Variants in GNAL observed in about 807,000 individuals in gnomAD.
GNAL encodes the protein G protein subunit alpha L, also known as guanine nucleotide-binding protein G(olf) subunit alpha.
Under a neutral mutation model 55.1 loss-of-function variants are expected in GNAL, and 18 were observed. The ratio of observed to expected loss-of-function variants is 0.33; its 90% CI spans 0.23 to 0.48. The LOEUF (loss-of-function observed/expected upper bound fraction) is 0.48. Ranked by LOEUF, GNAL falls within the 20% of genes least tolerant of loss-of-function variation. GNAL has a pLI of 0.99. For synonymous variants in GNAL, 253 were observed against 237.0 expected, an observed-to-expected ratio of 1.07 and a Z score of -0.62; for missense variants, 412 against 614.1, an observed-to-expected ratio of 0.67 and a Z score of 3.48.
chr18:11,851,990 C>T, intron 5 of GNAL: 1 of 1,613,660 alleles, frequency 6.2e-7, no homozygotes, highest in Non-Finnish European at 8.5e-7. Context: ...GCAGATGAGG[C>T]GGGCCTCGAC....
rs9956333 is a variant in GNAL at position 11,797,649 on chromosome 18, G to A, written c.625-27269G>A. ...GTCCCAGCTACTTGGGTGGTGGGGG[G>A]GCTGGTTTGCTGAGGTGGGAAGATT... On this transcript the variant is annotated intron_variant, in intron 4 of 11. Coordinates refer to ENST00000334049, the MANE Select transcript of GNAL (RefSeq NM_182978.4). Among the ~76,000 whole-genome samples the A allele has an allele frequency of 1.9e-4, 29 of 152,092 alleles. 1 individual carries two copies. The South Asian group carries it at 5.6e-3, about 29-fold the overall frequency.
chr18:11,822,805 T>A (rs2035135573), intron 4 of GNAL, among the ~76,000 whole-genome samples: 1 of 46,446 alleles, frequency 2.2e-5, no homozygotes, highest in South Asian at 9.9e-4. Flanking sequence ...CAATATTGTT[T>A]TTCTTTTTTT....
At chr18:11,725,246 G>A (rs753281062) in intron 1 of GNAL, among the ~76,000 whole-genome samples, 8 of 152,174 alleles carry the variant, frequency 5.3e-5, no homozygotes, top group Non-Finnish European at 7.3e-5. Context: ...AATGAGATTA[G>A]GATGGACCCT....
Position 11,868,783 on chromosome 18 carries a change from G to C in GNAL, c.1031+120G>C, listed in dbSNP as rs990281156. ...ATCTCAACACTGGGAGGCCGAGGCAGGTGTGTCACTTGAGCTCAGCAGTTG... is the reference window on the plus strand; with the variant it reads ...ATCTCAACACTGGGAGGCCGAGGCACGTGTGTCACTTGAGCTCAGCAGTTG... On this transcript the variant is annotated intron_variant, in intron 9 of 11. Coordinates refer to ENST00000334049, the MANE Select transcript of GNAL (RefSeq NM_182978.4). This position sits in a 1 kb window ranked among gnomAD's most constrained non-coding sequence, Gnocchi z 4.0. 36 of 755,370 alleles carry C rather than the reference G, an allele frequency of 4.8e-5. No homozygotes were observed. The highest frequency in any genetic ancestry group is 5.5e-5 in the Non-Finnish European group (26 of 475,810). 46.8% of individuals were successfully genotyped at this position (755,370 alleles called of 1,614,324 possible).
chr18:11,874,594 C>CA lies in GNAL; in HGVS notation c.1163-2020dup, dbSNP rs550351415. 6.2e-3 allele frequency among the ~76,000 whole-genome samples: 161 copies of CA among 25,994 alleles called. 1 individual carries two copies. The highest frequency in any genetic ancestry group is 0.029 in the African/African-American group (147 of 5,080). 17.1% of individuals were successfully genotyped at this position (25,994 alleles called of 152,430 possible). A position where few individuals can be genotyped will look rare whatever the true frequency, so the allele number is the denominator to read the frequency against. ...TGGGCGACAGAACAAGGCTCCGTCTCAAAAAAACAAAAAAAAAGCACTCCA... is the reference window on the plus strand; with the variant it reads ...TGGGCGACAGAACAAGGCTCCGTCTCAAAAAAAACAAAAAAAAAGCACTCCA... On this transcript the variant is annotated intron_variant, in intron 10 of 11. Transcript: ENST00000334049.
chr18:11,884,642 G>A lies in GNAL; in HGVS notation c.*3507G>A, dbSNP rs768963594. 5 of 1,611,684 alleles carry A rather than the reference G, an allele frequency of 3.1e-6. No homozygotes were observed. The South Asian group carries it at 5.5e-5, about 18-fold the overall frequency. On this transcript the variant is annotated 3_prime_UTR_variant, in exon 12 of 12. Coordinates refer to ENST00000334049, the MANE Select transcript of GNAL (RefSeq NM_182978.4). ...GTGATGCTACCCTGGAAAGGAGAAGGGAAAGTTATGCTGAGAGCACCAGGC... is the reference window on the plus strand; with the variant it reads ...GTGATGCTACCCTGGAAAGGAGAAGAGAAAGTTATGCTGAGAGCACCAGGC...
At chr18:11,846,594 G>A (rs2143760379) in intron 5 of GNAL, among the ~76,000 whole-genome samples, 1 of 151,886 alleles carries the variant, frequency 6.6e-6, no homozygotes, top group African/African-American at 2.4e-5. Context: ...AGCATCCCAA[G>A]TAGCTGGGAC....
intron 1 of GNAL, among the ~76,000 whole-genome samples, chr18:11,704,802 T>G (rs2031665054): frequency 6.6e-6 from 1 of 152,056 alleles, no homozygotes; most frequent in Non-Finnish European, 1.5e-5. Context: ...ATTTAACAGC[T>G]TTTTTTGAGA....
At chr18:11,694,935 A>T (rs2031362466) in intron 1 of GNAL, among the ~76,000 whole-genome samples, 1 of 152,030 alleles carries the variant, frequency 6.6e-6, no homozygotes, top group African/African-American at 2.4e-5. Flanking sequence ...AGAGGGAGAG[A>T]TCTCCGGTGT....
chr18:11,809,113 C>G (rs1167897582), intron 4 of GNAL, among the ~76,000 whole-genome samples: 2 of 152,140 alleles, frequency 1.3e-5, no homozygotes, highest in East Asian at 1.9e-4. Context: ...CAAAAATTAG[C>G]TAGGTGTTGT....
chr18:11,879,469 A>G (rs1409436315), intron 11 of GNAL, among the ~76,000 whole-genome samples: 1 of 152,124 alleles, frequency 6.6e-6, no homozygotes, highest in Non-Finnish European at 1.5e-5. Flanking sequence ...ACAGCTCTGG[A>G]GGCTGGAAGT....
Position 11,689,749 on chromosome 18 carries a change from A to T in GNAL, c.186A>T (p.Ala62=), listed in dbSNP as rs993990807. Residue 62 remains alanine (A), a synonymous_variant, in exon 1 of 12, where the codon GCA becomes GCT. Coordinates refer to ENST00000334049, the MANE Select transcript of GNAL (RefSeq NM_182978.4). The part of the protein sequence containing the change: ...LLPRGGEGSP[A]CARPKADKPK... ...CTCGGGGCGGCGAAGGGAGCCCGGC[A>T]TGCGCTCGGCCCAAAGCAGACAAGC... is the stretch of plus-strand genomic sequence containing the variant. The T allele has an allele frequency of 6.6e-7, 1 of 1,509,090 alleles. No individual in the cohort carries two copies. The highest frequency in any genetic ancestry group is 1.4e-5 in the African/African-American group (1 of 69,144). The allele number at this position is 1,509,090 out of a possible 1,614,324, so 93.5% of individuals were successfully genotyped here.
intron 5 of GNAL, among the ~76,000 whole-genome samples, chr18:11,832,673 C>T (rs1227853158): frequency 1.3e-5 from 2 of 152,078 alleles, no homozygotes; most frequent in South Asian, 2.1e-4. Context: ...GCCTGGCCAA[C>T]GTGGTGAAAC....
chr18:11,794,534 A>G (rs1305815384), intron 4 of GNAL, among the ~76,000 whole-genome samples: 1 of 152,172 alleles, frequency 6.6e-6, no homozygotes, highest in African/African-American at 2.4e-5. Flanking sequence ...AGGCAAATGT[A>G]TAGAGACAGA....
chr18:11,776,004 G>A (rs1468801113), intron 4 of GNAL, among the ~76,000 whole-genome samples: 1 of 152,218 alleles, frequency 6.6e-6, no homozygotes, highest in African/African-American at 2.4e-5. Context: ...CAAGCCTAGA[G>A]AAAAGGTGTC....
Position 11,689,323 on chromosome 18 carries a change from C to T in GNAL, c.-241C>T, listed in dbSNP as rs1249532316. On this transcript the variant is annotated 5_prime_UTR_variant, in exon 1 of 12. Transcript: ENST00000334049. ...TCTCCAGCCAAGGCGGCCGCCACCC[C>T]TTGCACACAGCAGAAAATGCAAAAT... 3.1e-5 allele frequency: 10 copies of T among 326,502 alleles called. No homozygotes were observed. The highest frequency in any genetic ancestry group is 5.0e-5 in the Non-Finnish European group (9 of 179,760). 20.2% of individuals were successfully genotyped at this position (326,502 alleles called of 1,614,324 possible). A position where few individuals can be genotyped will look rare whatever the true frequency, so the allele number is the denominator to read the frequency against.
chr18:11,881,333 G>A lies in GNAL; in HGVS notation c.*198G>A, dbSNP rs534720102. ...CTGTTGTCATTGAATACGGCCTCCC[G>A]CAGCATCCCACCCCCAAACCACCGA... On this transcript the variant is annotated 3_prime_UTR_variant, in exon 12 of 12. Transcript: ENST00000334049. The surrounding 1 kb of genome is among the most constrained non-coding windows in gnomAD (Gnocchi z 4.8). The A allele has an allele frequency of 1.3e-4, 60 of 477,658 alleles. No individual in the cohort carries two copies. Among genetic ancestry groups the A allele is most frequent in the Middle Eastern group, 5.8e-4 (1 of 1,724 alleles). The allele number at this position is 477,658 out of a possible 1,614,324, so 29.6% of individuals were successfully genotyped here.
At chr18:11,837,257 G>A (rs779040251) in intron 5 of GNAL, among the ~76,000 whole-genome samples, 29 of 152,094 alleles carry the variant, frequency 1.9e-4, no homozygotes, top group Admixed American at 7.9e-4. Flanking sequence ...GATTACAGGC[G>A]TGAACCACCA....
chr18:11,787,092 A>C (rs1425684762), intron 4 of GNAL, among the ~76,000 whole-genome samples: 1 of 152,152 alleles, frequency 6.6e-6, no homozygotes, highest in Non-Finnish European at 1.5e-5. Flanking sequence ...TAATAATAAT[A>C]ATCTCTGTTC....
Sources: gnomAD v4.1 joint callset for allele counts (sites outside exome capture counted in the v4.1 genomes callset) on GRCh38, gnomAD v4.1.1 for gene constraint, Gnocchi (gnomAD v3.1) non-coding constraint, MANE v1.5 for transcripts, NCBI Gene and HGNC (gene_info 2026-07-23, HGNC 2026-07-21) for gene names.